The following MID1 variants were observed in gnomAD, a reference collection of about 807,000 sequenced individuals.
MID1 encodes the protein E3 ubiquitin-protein ligase Midline-1.
In MID1, 7 loss-of-function variants were observed where a neutral mutation model predicts 40.4. The observed-to-expected ratio is 0.17, with a 90% CI of 0.10 to 0.33. MID1 has a LOEUF of 0.33. Among genes scored for constraint, MID1 ranks in the 10% least tolerant of loss-of-function variants. The pLI is 1.00. For synonymous variants in MID1, 229 were observed against 221.2 expected, an observed-to-expected ratio of 1.04 and a Z score of -0.31; for missense variants, 367 against 558.5, an observed-to-expected ratio of 0.66 and a Z score of 3.46.
chrX:10,829,463 C>A (rs2044238440), intron 1 of MID1, among the ~76,000 whole-genome samples: 1 of 111,804 alleles, frequency 8.9e-6, no homozygotes, highest in Non-Finnish European at 1.9e-5. Flanking sequence ...ATGTACCATG[C>A]ATTTCTGAAA....
In MID1 at chrX:10,723,902, C is replaced by T. The variant is rs149873373; in HGVS notation, c.-186-103483G>A. ...TCCGCAGCCGAAATATTTAAACCATCTGTAACTTAAAGTAGCTAAAAAATA... is the reference window on the plus strand; with the variant it reads ...TCCGCAGCCGAAATATTTAAACCATTTGTAACTTAAAGTAGCTAAAAAATA... On this transcript the variant is annotated intron_variant, in intron 1 of 10. Coordinates refer to the MID1 transcript ENST00000380785. 3.7e-3 allele frequency among the ~76,000 whole-genome samples: 418 copies of T among 112,515 alleles called. 8 individuals are homozygous for T. In the East Asian group the frequency reaches 0.065, roughly 18 times the overall value.
chrX:10,613,913 G>A (rs751317284), intron 1 of MID1, among the ~76,000 whole-genome samples: 26 of 106,346 alleles, frequency 2.4e-4, no homozygotes, highest in Non-Finnish European at 3.9e-4. Flanking sequence ...GCTGTTTCCC[G>A]GACCTTTCTA....
chrX:10,647,665 T>C (rs1363352930), intron 1 of MID1, among the ~76,000 whole-genome samples: 1 of 111,994 alleles, frequency 8.9e-6, no homozygotes, highest in Non-Finnish European at 1.9e-5. Flanking sequence ...GAGATGTACC[T>C]GATTCCACGT....
At chrX:10,529,235 ATATT>A (rs1367784191) in intron 2 of MID1, among the ~76,000 whole-genome samples, 1 of 112,631 alleles carries the variant, frequency 8.9e-6, no homozygotes, top group East Asian at 2.8e-4. Context: ...AGTTAATAAA[ATATT>A]TAAACCACCA....
At chrX:10,596,456 A>T (rs1377410990) in intron 1 of MID1, among the ~76,000 whole-genome samples, 2 of 112,288 alleles carry the variant, frequency 1.8e-5, no homozygotes, top group Non-Finnish European at 3.8e-5. Flanking sequence ...AATAAATGTA[A>T]ATATTTTAAA....
intron 1 of MID1, among the ~76,000 whole-genome samples, chrX:10,767,479 C>T (rs772920093): frequency 1.1e-3 from 120 of 110,942 alleles, no homozygotes; most frequent in Admixed American, 1.7e-3. Flanking sequence ...GCCACCACGC[C>T]CAGCTAATTT....
chrX:10,679,001 A>G (rs2043041029), intron 1 of MID1, among the ~76,000 whole-genome samples: 1 of 111,328 alleles, frequency 9.0e-6, no homozygotes. Flanking sequence ...TTATAGATGC[A>G]TGGACCCTTC....
intron 4 of MID1, among the ~76,000 whole-genome samples, chrX:10,493,873 A>G (rs1931088092): frequency 8.9e-6 from 1 of 112,684 alleles, no homozygotes; most frequent in African/African-American, 3.2e-5. Flanking sequence ...CTCTGCATGC[A>G]ACCATGTAAA....
intron 4 of MID1, among the ~76,000 whole-genome samples, chrX:10,485,655 C>G (rs984695444): frequency 8.9e-6 from 1 of 112,046 alleles, no homozygotes; most frequent in Admixed American, 9.5e-5. Context: ...CTTACACATT[C>G]TTTTAAAAGC....
chrX:10,789,696 C>T (rs938405722), intron 1 of MID1, among the ~76,000 whole-genome samples: 2 of 111,964 alleles, frequency 1.8e-5, no homozygotes, highest in Admixed American at 9.4e-5. Flanking sequence ...GCAGTCTCGT[C>T]GTTAAGTGAC....
chrX:10,606,086 C>G (rs1935620702), intron 1 of MID1, among the ~76,000 whole-genome samples: 1 of 111,353 alleles, frequency 9.0e-6, no homozygotes, highest in African/African-American at 3.3e-5. Flanking sequence ...AGAATGAAAA[C>G]TAAAACCGGA....
chrX:10,697,486 T>C (rs1450180891), intron 1 of MID1, among the ~76,000 whole-genome samples: 1 of 112,090 alleles, frequency 8.9e-6, no homozygotes, highest in African/African-American at 3.2e-5. Flanking sequence ...AGATGATTTA[T>C]TCATGATTGC....
At chrX:10,596,608 C>A (rs1488032101) in intron 1 of MID1, among the ~76,000 whole-genome samples, 3 of 111,655 alleles carry the variant, frequency 2.7e-5, no homozygotes, top group Non-Finnish European at 5.6e-5. Flanking sequence ...GAACAAGGTG[C>A]TCAGAATAGA....
intron 1 of MID1, among the ~76,000 whole-genome samples, chrX:10,575,146 T>C (rs1934838420): frequency 2.7e-5 from 3 of 112,690 alleles, no homozygotes; most frequent in Non-Finnish European, 5.6e-5. Context: ...ATTTACTTGA[T>C]TGTCCGCTCC....
chrX:10,691,847 C>A (rs1427679350), intron 1 of MID1, among the ~76,000 whole-genome samples: 2 of 111,661 alleles, frequency 1.8e-5, no homozygotes, highest in Non-Finnish European at 3.8e-5. Context: ...CTTTTCCCAG[C>A]AAGGAATGTT....
At chrX:10,713,435 C>T (rs1479908489) in intron 1 of MID1, among the ~76,000 whole-genome samples, 1 of 109,768 alleles carries the variant, frequency 9.1e-6, no homozygotes, top group Non-Finnish European at 1.9e-5. Flanking sequence ...GCAGTCCTCC[C>T]ACCTCAGCCT....
At chrX:10,738,958 AAAAAAG>A (rs2043504594) in intron 1 of MID1, among the ~76,000 whole-genome samples, 1 of 110,199 alleles carries the variant, frequency 9.1e-6, no homozygotes, top group African/African-American at 3.3e-5. Flanking sequence ...GCAAAAAAAA[AAAAAAG>A]AAAGAAAGAA....
intron 1 of MID1, among the ~76,000 whole-genome samples, chrX:10,617,069 A>G (rs924946716): frequency 1.8e-5 from 2 of 112,378 alleles, no homozygotes; most frequent in Non-Finnish European, 3.8e-5. Context: ...TTACAGAATG[A>G]TAAGAAAAAG....
chrX:10,560,868 A>G lies in MID1; in HGVS notation c.660+6020T>C, dbSNP rs1934310962. On this transcript the variant is annotated intron_variant, in intron 2 of 9. Coordinates refer to ENST00000317552, the MANE Select transcript of MID1 (RefSeq NM_000381.4). The stretch of plus-strand genomic sequence containing the variant: ...CTTTCTTCACAGAATTAGAAAAGCT[A>G]CTTTAAATTTAACGTGGAACCAAAA... Among the ~76,000 whole-genome samples the G allele has an allele frequency of 8.1e-5, 8 of 98,321 alleles. No homozygotes were observed. The South Asian group carries it at 3.1e-3, about 38-fold the overall frequency. 85.4% of individuals were successfully genotyped at this position (98,321 alleles called of 115,157 possible). A position where few individuals can be genotyped will look rare whatever the true frequency, so the allele number is the denominator to read the frequency against.
Sources: gnomAD v4.1 joint callset for allele counts (sites outside exome capture counted in the v4.1 genomes callset) on GRCh38, gnomAD v4.1.1 for gene constraint, MANE v1.5 for transcripts, NCBI Gene and HGNC (gene_info 2026-07-23, HGNC 2026-07-21) for gene names.